Variants in HRH2 observed in about 807,000 individuals in gnomAD.
HRH2 encodes the protein histamine H2 receptor.
HRH2 carries 4 observed loss-of-function variants against 20.1 expected under a neutral mutation model. The ratio of observed to expected loss-of-function variants is 0.20; its 90% confidence interval spans 0.10 to 0.45. The LOEUF is 0.45. Ranked by LOEUF, HRH2 falls within the 20% of genes least tolerant of loss-of-function variation. The probability of loss-of-function intolerance (pLI) is 0.99; values close to 1 mark genes in which losing one functional copy is unlikely to be tolerated. For synonymous variants in HRH2, 197 were observed against 200.7 expected, an observed-to-expected ratio of 0.98 and a Z score of 0.16; for missense variants, 250 against 461.6, an observed-to-expected ratio of 0.54 and a Z score of 4.20.
chr5:175,659,068 G>A (rs1161645076), intron 1 of HRH2, among the ~76,000 whole-genome samples: 3 of 152,106 alleles, frequency 2.0e-5, no homozygotes, highest in Admixed American at 6.5e-5. Flanking sequence ...TGTGCCCTTT[G>A]CCAGAGAGGG....
chr5:175,698,788 C>T (rs1756697465), intron 2 of HRH2, among the ~76,000 whole-genome samples: 1 of 152,224 alleles, frequency 6.6e-6, no homozygotes, highest in Non-Finnish European at 1.5e-5. Context: ...GGGGTTAAGG[C>T]CTGTGACTGA....
At chr5:175,702,094 G>A (rs961771940) in intron 2 of HRH2, among the ~76,000 whole-genome samples, 2 of 152,168 alleles carry the variant, frequency 1.3e-5, no homozygotes, top group African/African-American at 2.4e-5. Context: ...GCACGGCATG[G>A]GGGGCAAGTA....
At chr5:175,694,768 A>AC (rs959729593) in intron 2 of HRH2, among the ~76,000 whole-genome samples, 2 of 151,724 alleles carry the variant, frequency 1.3e-5, no homozygotes, top group African/African-American at 2.4e-5. Context: ...GTGCTTTCAG[A>AC]CCCCCCAAAC....
intron 2 of HRH2, among the ~76,000 whole-genome samples, chr5:175,700,373 T>C (rs1262511245): frequency 2.0e-5 from 3 of 152,158 alleles, no homozygotes; most frequent in African/African-American, 2.4e-5. Context: ...AAAACACACA[T>C]GAACACCTAC....
At position 175,693,542 on chromosome 5, in the gene HRH2, G is replaced by A. The variant is rs867822060; in HGVS notation, c.1076+9233G>A. On this transcript the variant is annotated intron_variant, in intron 2 of 2. Coordinates refer to ENST00000636584, the MANE Select transcript of HRH2 (RefSeq NM_001367711.1). The surrounding 1 kb of genome is among the most constrained non-coding windows in gnomAD (Gnocchi z 4.4). ...ACTGACCACATCCCTTTGTTACCCA[G>A]GGTGGGTGGACTGGCTGTCCCCAGT... 6.6e-6 allele frequency among the ~76,000 whole-genome samples: 1 copy of A among 152,226 alleles called. No individual in the cohort carries two copies. The highest frequency in any genetic ancestry group is 2.4e-5 in the African/African-American group (1 of 41,454).
intron 2 of HRH2, among the ~76,000 whole-genome samples, chr5:175,700,750 T>A (rs571443832): frequency 1.3e-5 from 2 of 152,252 alleles, no homozygotes; most frequent in Non-Finnish European, 2.9e-5. Flanking sequence ...TAGCCAGGCA[T>A]GGTGGCATGC....
rs141667619 is a variant in HRH2 at position 175,676,820 on chromosome 5, G to A, written c.-525-5889G>A. On this transcript the variant is annotated intron_variant, in intron 1 of 2. Transcript: ENST00000636584. ...TTACCATCCACTGCTGAGTGAGAAC[G>A]TGCAATATTTGACTCCAGTTGCACT... Among the ~76,000 whole-genome samples, 424 of 152,264 alleles carry A rather than the reference G, an allele frequency of 2.8e-3. 4 individuals carry two copies. The highest frequency in any genetic ancestry group is 9.4e-3 in the African/African-American group (391 of 41,552).
At position 175,684,210 on chromosome 5, in the gene HRH2, G is replaced by T. The variant is rs748796509; in HGVS notation, c.977G>T (p.Arg326Met). ...SLRSNASQLSRTQSREPRQQE... is the reference protein window; with the variant it reads ...SLRSNASQLSMTQSREPRQQE... Reference sequence around the variant, plus strand: ...AGGTCCAACGCCTCTCAGCTGTCCAGGACCCAAAGCCGAGAACCCAGGCAA... The same window carrying T: ...AGGTCCAACGCCTCTCAGCTGTCCATGACCCAAAGCCGAGAACCCAGGCAA... Residue 326 changes from arginine (R) to methionine (M), a missense_variant, in exon 2 of 3, where the codon AGG becomes ATG. Coordinates refer to ENST00000636584, the MANE Select transcript of HRH2 (RefSeq NM_001367711.1). 1 of 1,614,158 alleles carries T rather than the reference G, an allele frequency of 6.2e-7. No homozygotes were observed. The highest frequency in any genetic ancestry group is 8.5e-7 in the Non-Finnish European group (1 of 1,180,026).
intron 2 of HRH2, among the ~76,000 whole-genome samples, chr5:175,699,775 G>A (rs1484581943): frequency 3.3e-5 from 5 of 152,130 alleles, no homozygotes; most frequent in East Asian, 3.9e-4. Flanking sequence ...GGGTTTCACC[G>A]TGTTAGCCGG....
At chr5:175,691,100 C>A (rs757151066) in intron 2 of HRH2, 1 of 152,300 alleles carries the variant, frequency 6.6e-6, no homozygotes, top group African/African-American at 2.4e-5. Flanking sequence ...CATCGTGGGC[C>A]GCCGGAGCCC....
intron 1 of HRH2, among the ~76,000 whole-genome samples, chr5:175,669,189 CAG>C (rs1262444920): frequency 6.6e-6 from 1 of 151,970 alleles, no homozygotes; most frequent in Admixed American, 6.6e-5. Flanking sequence ...CAAAGAGACA[CAG>C]AGAGGAGAGA....
In HRH2 at chr5:175,693,915, G is replaced by A. The variant is rs562865128; in HGVS notation, c.1076+9606G>A. Among the ~76,000 whole-genome samples the A allele has an allele frequency of 1.3e-5, 2 of 152,224 alleles. No individual in the cohort carries two copies. The highest frequency in any genetic ancestry group is 1.3e-4 in the Admixed American group (2 of 15,298). On this transcript the variant is annotated intron_variant, in intron 2 of 2. Coordinates refer to ENST00000636584, the MANE Select transcript of HRH2 (RefSeq NM_001367711.1). This position sits in a 1 kb window ranked among gnomAD's most constrained non-coding sequence, Gnocchi z 4.4. ...CACTCATCCCTTACCAGACACTCTC[G>A]CAAGCTGGGAAGCTATTTGTGACAT... is the stretch of plus-strand genomic sequence containing the variant.
At position 175,684,262 on chromosome 5, in the gene HRH2, G is replaced by C. The variant is rs370066232; in HGVS notation, c.1029G>C (p.Gln343His). Reference protein sequence around the residue: ...RQQEEKPLKLQVWSGTEVTAP... With the variant: ...RQQEEKPLKLHVWSGTEVTAP... Reference sequence around the variant, plus strand: ...AGGAAGAGAAACCCCTGAAGCTCCAGGTGTGGAGTGGGACAGAAGTCACGG... The same window carrying C: ...AGGAAGAGAAACCCCTGAAGCTCCACGTGTGGAGTGGGACAGAAGTCACGG... The change falls in exon 2 of 3, where the codon CAG becomes CAC. Residue 343 changes from glutamine to histidine, a missense_variant. Around this residue, in one of 5 missense-constraint regions of HRH2, gnomAD observed 55 missense variants for 66.9 expected, o/e 0.82. Coordinates refer to ENST00000636584, the MANE Select transcript of HRH2 (RefSeq NM_001367711.1). 1 of 1,614,182 alleles carries C rather than the reference G, an allele frequency of 6.2e-7. No individual in the cohort carries two copies. Among genetic ancestry groups the C allele is most frequent in the South Asian group, 1.1e-5 (1 of 91,086 alleles).
rs767058257 is a variant in HRH2, at chr5:175,683,324, A to T, written c.91A>T (p.Ile31Phe). 4 of 1,613,828 alleles carry T rather than the reference A, an allele frequency of 2.5e-6. No individual in the cohort carries two copies. The highest frequency in any genetic ancestry group is 3.4e-6 in the Non-Finnish European group (4 of 1,179,764). ...ITVVLAVLIL[I>F]TVAGNVVVCL... ...CGTGGTCCTTGCGGTCCTCATCCTC[A>T]TCACCGTTGCTGGCAATGTGGTCGT... The change falls in exon 2 of 3, where the codon ATC (isoleucine) becomes TTC (phenylalanine). Residue 31 changes from isoleucine (I) to phenylalanine (F), a missense_variant. Ile to Phe is a conservative substitution (Grantham distance 21). This residue lies in a region of HRH2 where 86 missense variants were observed against 176.4 expected (regional missense o/e 0.49). Transcript: ENST00000636584.
chr5:175,697,395 G>A (rs1007262004), intron 2 of HRH2, among the ~76,000 whole-genome samples: 3 of 151,190 alleles, frequency 2.0e-5, no homozygotes, highest in South Asian at 2.1e-4. Context: ...CCCAAGAGGC[G>A]GAGCTTGCAG....
At chr5:175,668,008 T>C (rs1019389200) in intron 1 of HRH2, among the ~76,000 whole-genome samples, 6 of 152,228 alleles carry the variant, frequency 3.9e-5, no homozygotes, top group African/African-American at 1.4e-4. Context: ...GGGTTCATCA[T>C]TCTCTCCTCT....
chr5:175,660,313 G>A (rs186961761), intron 1 of HRH2, among the ~76,000 whole-genome samples: 2 of 152,316 alleles, frequency 1.3e-5, no homozygotes, highest in East Asian at 3.9e-4. Context: ...TATGCACAAA[G>A]CCTCTTTCAC....
chr5:175,678,083 C>G (rs1427978029), intron 1 of HRH2, among the ~76,000 whole-genome samples: 3 of 152,224 alleles, frequency 2.0e-5, no homozygotes, highest in Admixed American at 1.3e-4. Flanking sequence ...CACCGTGATA[C>G]ATTCTGGCGG....
intron 2 of HRH2, chr5:175,685,560 G>T: frequency 2.2e-6 from 3 of 1,338,388 alleles, no homozygotes; most frequent in Non-Finnish European, 3.1e-6. Flanking sequence ...AGATTTTTTG[G>T]GTTTATGGTG....
Sources: gnomAD v4.1 joint callset for allele counts (sites outside exome capture counted in the v4.1 genomes callset) on GRCh38, gnomAD v4.1.1 for gene constraint, gnomAD v4.1.1 regional missense constraint, Gnocchi (gnomAD v3.1) non-coding constraint, MANE v1.5 for transcripts, NCBI Gene and HGNC (gene_info 2026-07-23, HGNC 2026-07-21) for gene names.